Variants in VWF observed in about 807,000 individuals in gnomAD.
VWF encodes the protein von Willebrand factor.
A neutral mutation model predicts 308.6 loss-of-function variants in VWF; 176 were observed. That is an observed-to-expected ratio of 0.57 (90% confidence interval 0.50 to 0.65). The LOEUF (loss-of-function observed/expected upper bound fraction) is 0.65. Ranked by LOEUF, VWF falls within the 30% of genes least tolerant of loss-of-function variation. The probability of loss-of-function intolerance (pLI) is 0.00; values close to 1 mark genes in which losing one functional copy is unlikely to be tolerated. For synonymous variants in VWF, 1,385 were observed against 1,443.4 expected, an observed-to-expected ratio of 0.96 and a Z score of 0.92; for missense variants, 3,146 against 3,648.2, an observed-to-expected ratio of 0.86 and a Z score of 3.55.
intron 6 of VWF, among the ~76,000 whole-genome samples, chr12:6,077,302 G>T (rs1463738760): frequency 6.6e-6 from 1 of 152,150 alleles, no homozygotes; most frequent in Non-Finnish European, 1.5e-5. Context: ...GTGACAGAGC[G>T]AGACCCTGTC....
chr12:5,998,702 A>C (rs1943839458), intron 34 of VWF, among the ~76,000 whole-genome samples: 1 of 151,256 alleles, frequency 6.6e-6, no homozygotes, highest in Non-Finnish European at 1.5e-5. Flanking sequence ...ACAAGAAAAT[A>C]CCCAAATTTT....
rs57411884 is a variant in VWF at position 6,032,326 on chromosome 12, C to CA, written c.2686-749dup. ...CTGGTGACAGAGCGAGACTCCATCT[C>CA]AAAAAAAAAAAAGAAAAGAAAAGAA... On this transcript the variant is annotated intron_variant, in intron 20 of 51. Coordinates refer to ENST00000261405, the MANE Select transcript of VWF (RefSeq NM_000552.5). Among the ~76,000 whole-genome samples the CA allele has an allele frequency of 2.4e-3, 320 of 134,314 alleles. 11 individuals carry two copies. In the East Asian group the frequency reaches 0.058, roughly 24 times the overall value. The allele number at this position is 134,314 out of a possible 152,430, so 88.1% of individuals were successfully genotyped here. A position where few individuals can be genotyped will look rare whatever the true frequency, so the allele number is the denominator to read the frequency against.
intron 13 of VWF, among the ~76,000 whole-genome samples, chr12:6,061,025 A>G (rs1944649202): frequency 1.3e-5 from 2 of 151,982 alleles, no homozygotes; most frequent in Admixed American, 6.6e-5. Context: ...ACATGGTGAA[A>G]CCCCATCTCT....
chr12:6,056,243 A>G (rs1284940610), intron 15 of VWF, among the ~76,000 whole-genome samples: 1 of 150,466 alleles, frequency 6.6e-6, no homozygotes, highest in Non-Finnish European at 1.5e-5. Flanking sequence ...CACACTGGGC[A>G]TGCAGCAAAT....
In VWF at chr12:6,110,438, G is replaced by C; in HGVS notation, c.468C>G (p.Asn156Lys). 6.2e-7 allele frequency: 1 copy of C among 1,614,192 alleles called. No individual in the cohort carries two copies. The highest frequency in any genetic ancestry group is 1.3e-5 in the African/African-American group (1 of 75,024). Reference sequence around the variant, plus strand: ...AGTTGCCACACAGCCCGCAGGTCTTGTTGAAGTATCTGTCTGACAGCAGGA... The same window carrying C: ...AGTTGCCACACAGCCCGCAGGTCTTCTTGAAGTATCTGTCTGACAGCAGGA... ...FQVLLSDRYF[N>K]KTCGLCGNFN... The change falls in exon 5 of 52, where the codon AAC (asparagine) becomes AAG (lysine). Residue 156 changes from asparagine (N) to lysine (K), a missense_variant. Around this residue, in one of 3 missense-constraint regions of VWF, gnomAD observed 1,304 missense variants for 1,353.0 expected, o/e 0.96. Coordinates refer to ENST00000261405, the MANE Select transcript of VWF (RefSeq NM_000552.5).
chr12:6,110,322 A>T, intron 5 of VWF, 52 bp downstream of exon 5: 1 of 1,587,216 alleles, frequency 6.3e-7, no homozygotes, highest in Non-Finnish European at 8.7e-7. Context: ...ATGAGCAAGG[A>T]AATAAAAAGC....
chr12:5,979,425 C>T (rs1943568378), intron 42 of VWF, among the ~76,000 whole-genome samples: 1 of 152,202 alleles, frequency 6.6e-6, no homozygotes, highest in Admixed American at 6.5e-5. Flanking sequence ...TAGGTTGCTT[C>T]ATCTGAACAC....
intron 18 of VWF, among the ~76,000 whole-genome samples, chr12:6,037,373 G>A (rs1056272998): frequency 5.3e-5 from 8 of 152,136 alleles, no homozygotes; most frequent in African/African-American, 1.9e-4. Flanking sequence ...CAGAACTAGA[G>A]TCTGGGGGCT....
chr12:5,992,732 A>C (rs1943759458), intron 37 of VWF, among the ~76,000 whole-genome samples: 1 of 152,190 alleles, frequency 6.6e-6, no homozygotes, highest in African/African-American at 2.4e-5. Context: ...TCGCTCAACA[A>C]CTTCCTCACA....
At chr12:6,055,490 C>T (rs1944566595) in intron 15 of VWF, among the ~76,000 whole-genome samples, 1 of 152,152 alleles carries the variant, frequency 6.6e-6, no homozygotes, top group Admixed American at 6.5e-5. Context: ...TAGCCTGTGG[C>T]TCCCCAAGAC....
intron 31 of VWF, 102 bp downstream of exon 31, chr12:6,015,987 T>C (rs1331701787): frequency 2.7e-6 from 4 of 1,479,814 alleles, no homozygotes; most frequent in Non-Finnish European, 9.4e-7. Context: ...GCATATTTAA[T>C]ATCAGCCACA....
chr12:5,994,272 G>C (rs1485390278), intron 36 of VWF, 69 bp from the exon 37 acceptor site: 1 of 1,598,660 alleles, frequency 6.3e-7, no homozygotes. Flanking sequence ...TGATGCCAGA[G>C]ACAGGCCATT....
At chr12:6,022,126 C>T in intron 26 of VWF, 91 bp from the exon 27 acceptor site, 3 of 1,587,094 alleles carry the variant, frequency 1.9e-6, no homozygotes, top group East Asian at 2.2e-5. Flanking sequence ...GCCAACTCCT[C>T]CTCCTGCCCT....
intron 47 of VWF, among the ~76,000 whole-genome samples, chr12:5,957,191 A>G (rs10849363): frequency 0.54 from 82,475 of 152,086 alleles, 25,401 homozygotes; most frequent in African/African-American, 0.83. Context: ...ACCTAGTTGT[A>G]TAGTAGACCA....
chr12:6,031,148 C>A lies in VWF; in HGVS notation c.2820+296G>T, dbSNP rs916587500. 1.3e-5 allele frequency among the ~76,000 whole-genome samples: 2 copies of A among 152,200 alleles called. No homozygotes were observed. The highest frequency in any genetic ancestry group is 4.8e-5 in the African/African-American group (2 of 41,428). On this transcript the variant is annotated intron_variant, in intron 21 of 51. Transcript: ENST00000261405. Reference sequence around the variant, plus strand: ...AAACCCGGCTACCCTCCAGTCCCCACCCTACTCTAGAGGTGAGCACTGGTT... The same window carrying A: ...AAACCCGGCTACCCTCCAGTCCCCAACCTACTCTAGAGGTGAGCACTGGTT...
intron 47 of VWF, among the ~76,000 whole-genome samples, chr12:5,961,601 A>C (rs1053384219): frequency 3.9e-5 from 6 of 151,962 alleles, no homozygotes; most frequent in East Asian, 1.9e-4. Flanking sequence ...AAAAAAAAAA[A>C]AAAACACTAT....
chr12:6,095,732 A>C lies in VWF; in HGVS notation c.533-148T>G, dbSNP rs1326807410. The C allele has an allele frequency of 5.3e-6, 6 of 1,129,132 alleles. No homozygotes were observed. In the African/African-American group the frequency reaches 9.7e-5, roughly 18 times the overall value. The allele number at this position is 1,129,132 out of a possible 1,614,324, so 69.9% of individuals were successfully genotyped here. On this transcript the variant is annotated intron_variant, in intron 5 of 51. Transcript: ENST00000261405. ...GGTCTGGCTATGTTTCCCAGGCTGG[A>C]GTGCAGCGGCTATTCACAAGTGCAA... is the stretch of plus-strand genomic sequence containing the variant.
At chr12:6,083,931 G>A (rs1944942378) in intron 6 of VWF, among the ~76,000 whole-genome samples, 1 of 152,174 alleles carries the variant, frequency 6.6e-6, no homozygotes, top group Admixed American at 6.6e-5. Context: ...AGCTTGAGCC[G>A]GCGTTTTGGT....
rs1382244646 is a variant in VWF at position 6,058,035 on chromosome 12, C to CG, written c.1542dup (p.Val515ArgfsTer135). The CG allele has an allele frequency of 6.2e-7, 1 of 1,613,002 alleles. No homozygotes were observed. The highest frequency in any genetic ancestry group is 1.1e-5 in the South Asian group (1 of 91,086). On this transcript the variant is annotated frameshift_variant, in exon 14 of 52. Coordinates refer to ENST00000261405, the MANE Select transcript of VWF (RefSeq NM_000552.5). LOFTEE classifies it high-confidence loss of function. The surrounding 1 kb of genome is among the most constrained non-coding windows in gnomAD (Gnocchi z 4.9). ...AGGCCGCAGGTCTTCCCGGCATAGA[C>CG]GGGGGACAGCTGCAGGAGAGACCAG...
Sources: gnomAD v4.1 joint callset for allele counts (sites outside exome capture counted in the v4.1 genomes callset) on GRCh38, gnomAD v4.1.1 for gene constraint, gnomAD v4.1.1 regional missense constraint, Gnocchi (gnomAD v3.1) non-coding constraint, MANE v1.5 for transcripts, NCBI Gene and HGNC (gene_info 2026-07-23, HGNC 2026-07-21) for gene names.